The following NHSL1 variants were observed in gnomAD, a reference collection of about 807,000 sequenced individuals.
The protein encoded by NHSL1 is NHS-like protein 1.
A neutral mutation model predicts 95.0 loss-of-function variants in NHSL1; 48 were observed. The ratio of observed to expected loss-of-function variants is 0.51; its 90% CI spans 0.40 to 0.64. The LOEUF is 0.64. Ranked by LOEUF, NHSL1 falls within the 30% of genes least tolerant of loss-of-function variation. The probability of loss-of-function intolerance (pLI) is 0.00; values close to 1 mark genes in which losing one functional copy is unlikely to be tolerated. For missense variants in NHSL1, 1,971 were observed against 2,077.7 expected (o/e 0.95, Z 1.00); for synonymous variants, 783 against 833.9 (o/e 0.94, Z 1.05).
chr6:138,684,138 G>T (rs573394132), intron 1 of NHSL1, among the ~76,000 whole-genome samples: 3 of 148,508 alleles, frequency 2.0e-5, no homozygotes, highest in African/African-American at 5.0e-5. Flanking sequence ...CTTGAACCCA[G>T]GAGGCAGAGG....
intron 1 of NHSL1, among the ~76,000 whole-genome samples, chr6:138,525,253 C>T (rs552646179): frequency 6.6e-6 from 1 of 152,256 alleles, no homozygotes; most frequent in African/African-American, 2.4e-5. Context: ...GGGCTGAGCA[C>T]GGTGGCTTAT....
chr6:138,649,305 G>T (rs1785058098), intron 1 of NHSL1, among the ~76,000 whole-genome samples: 1 of 151,848 alleles, frequency 6.6e-6, no homozygotes, highest in Non-Finnish European at 1.5e-5. Context: ...TATACCCTTT[G>T]TATTTAATAG....
chr6:138,551,209 G>T (rs1409289485), intron 1 of NHSL1, among the ~76,000 whole-genome samples: 2 of 152,160 alleles, frequency 1.3e-5, no homozygotes, highest in Non-Finnish European at 2.9e-5. Flanking sequence ...ATAGGGTTTG[G>T]TACTATGTGT....
intron 5 of NHSL1, among the ~76,000 whole-genome samples, chr6:138,437,987 T>C (rs1776297649): frequency 6.6e-6 from 1 of 152,214 alleles, no homozygotes; most frequent in Non-Finnish European, 1.5e-5. Context: ...GCTGTGAACA[T>C]TGTTAAAATG....
intron 1 of NHSL1, among the ~76,000 whole-genome samples, chr6:138,620,339 G>C (rs1448244829): frequency 6.6e-6 from 1 of 152,152 alleles, no homozygotes; most frequent in Non-Finnish European, 1.5e-5. Flanking sequence ...AAGTGTTTAT[G>C]AATGAAACTC....
intron 1 of NHSL1, among the ~76,000 whole-genome samples, chr6:138,521,088 A>G (rs903806331): frequency 1.3e-5 from 2 of 152,310 alleles, no homozygotes; most frequent in East Asian, 3.9e-4. Context: ...ACAAGTGCAC[A>G]CCTATCAGGT....
chr6:138,501,627 G>C (rs1184336300), upstream of NHSL1, among the ~76,000 whole-genome samples: 1 of 152,198 alleles, frequency 6.6e-6, no homozygotes, highest in South Asian at 2.1e-4. Context: ...CCCAGGACTA[G>C]AGAAGTGCTC....
intron 1 of NHSL1, among the ~76,000 whole-genome samples, chr6:138,511,379 C>A (rs1238416805): frequency 2.0e-5 from 3 of 149,932 alleles, no homozygotes; most frequent in African/African-American, 7.3e-5. Context: ...AGACAAAAAA[C>A]CACTGAGAGA....
chr6:138,666,452 C>T (rs1583472308), intron 1 of NHSL1, among the ~76,000 whole-genome samples: 1 of 151,638 alleles, frequency 6.6e-6, no homozygotes, highest in Admixed American at 6.6e-5. Context: ...ATTAGCCAGG[C>T]ATGGTGGTGG....
chr6:138,510,497 A>G (rs1414645523), intron 1 of NHSL1, among the ~76,000 whole-genome samples: 1 of 152,238 alleles, frequency 6.6e-6, no homozygotes, highest in Non-Finnish European at 1.5e-5. Flanking sequence ...CCTAAACTAC[A>G]GAATACACAG....
At chr6:138,577,388 G>A (rs113702786), upstream of NHSL1, among the ~76,000 whole-genome samples, 1 of 152,222 alleles carries the variant, frequency 6.6e-6, no homozygotes. Flanking sequence ...TAGCTTGCCT[G>A]CCCTGTCAAA....
At chr6:138,614,453 T>C (rs1311295047) in intron 1 of NHSL1, among the ~76,000 whole-genome samples, 1 of 152,200 alleles carries the variant, frequency 6.6e-6, no homozygotes, top group Non-Finnish European at 1.5e-5. Flanking sequence ...TGTTAATCAC[T>C]GGTGTTTGGG....
chr6:138,581,218 T>C (rs78897705), intron 1 of NHSL1, among the ~76,000 whole-genome samples: 3,992 of 152,312 alleles, frequency 0.026, 171 homozygotes, highest in African/African-American at 0.087. Context: ...GCTCTATCTT[T>C]AAGCATTTCT....
chr6:138,531,699 G>A (rs539600525), intron 1 of NHSL1, among the ~76,000 whole-genome samples: 1 of 151,674 alleles, frequency 6.6e-6, no homozygotes, highest in Non-Finnish European at 1.5e-5. Context: ...GTTTTTGTAG[G>A]GGCAGGGTTT....
At chr6:138,470,288 A>T (rs183708789) in intron 3 of NHSL1, among the ~76,000 whole-genome samples, 108 of 152,134 alleles carry the variant, frequency 7.1e-4, no homozygotes, top group Non-Finnish European at 1.3e-3. Context: ...GATTAACCTG[A>T]ATTTTTATTT....
chr6:138,493,083 G>T (rs986432192), intron 2 of NHSL1, among the ~76,000 whole-genome samples: 9 of 152,040 alleles, frequency 5.9e-5, no homozygotes, highest in African/African-American at 2.2e-4. Flanking sequence ...TAGGGGAAGA[G>T]GTACGTGAAG....
At chr6:138,500,069 C>T (rs1409348891), upstream of NHSL1, among the ~76,000 whole-genome samples, 1 of 150,622 alleles carries the variant, frequency 6.6e-6, no homozygotes, top group African/African-American at 2.5e-5. Flanking sequence ...CATCTAGCTG[C>T]CACAACAATC....
intron 1 of NHSL1, among the ~76,000 whole-genome samples, chr6:138,614,320 A>C (rs573014611): frequency 2.6e-5 from 4 of 152,286 alleles, no homozygotes; most frequent in Middle Eastern, 3.4e-3. Context: ...GAGATGACAA[A>C]CGTACACTAA....
At chr6:138,485,645 T>A (rs575234494) in intron 2 of NHSL1, among the ~76,000 whole-genome samples, 1 of 152,148 alleles carries the variant, frequency 6.6e-6, no homozygotes, top group African/African-American at 2.4e-5. Context: ...TTCCGTGCCA[T>A]CAAATTCAAT....
Sources: allele counts gnomAD v4.1 joint callset (sites outside exome capture counted in the v4.1 genomes callset), GRCh38; gene constraint gnomAD v4.1.1; transcripts MANE v1.5; gene names NCBI Gene and HGNC (gene_info 2026-07-23, HGNC 2026-07-21).